The following RBM19 variants were observed in gnomAD, a reference collection of about 807,000 sequenced individuals.
The protein encoded by RBM19 is probable RNA-binding protein 19.
A neutral mutation model predicts 116.8 loss-of-function variants in RBM19; 94 were observed. That is an observed-to-expected ratio of 0.80 (90% CI 0.68 to 0.95). The LOEUF is 0.95. RBM19 is among the 40% of genes least tolerant of loss of function. The pLI is 0.00. For missense variants in RBM19, 1,161 were observed against 1,220.7 expected (o/e 0.95, Z 0.73); for synonymous variants, 475 against 494.1 (o/e 0.96, Z 0.51).
intron 1 of RBM19, 87 bp downstream of exon 1, chr12:113,966,105 C>A (rs918224400): frequency 6.4e-7 from 1 of 1,565,462 alleles, no homozygotes. Flanking sequence ...AGCAAAAATT[C>A]TTCGATCACC....
chr12:113,939,682 G>A (rs1009005595), intron 15 of RBM19, among the ~76,000 whole-genome samples: 18 of 151,850 alleles, frequency 1.2e-4, no homozygotes, highest in African/African-American at 3.6e-4. Context: ...CCCGGGAGGC[G>A]GAGCTTGCAG....
At chr12:113,927,949 C>T (rs1014414689) in intron 16 of RBM19, among the ~76,000 whole-genome samples, 10 of 152,144 alleles carry the variant, frequency 6.6e-5, no homozygotes, top group Non-Finnish European at 7.3e-5. Flanking sequence ...CGTTTAATGA[C>T]ACACAACAAA....
intron 9 of RBM19, among the ~76,000 whole-genome samples, chr12:113,949,822 CTG>C (rs1165578852): frequency 2.0e-5 from 3 of 152,202 alleles, no homozygotes; most frequent in Non-Finnish European, 2.9e-5. Flanking sequence ...CCCGTGCCTG[CTG>C]TGTGTTTCCC....
intron 21 of RBM19, among the ~76,000 whole-genome samples, chr12:113,902,896 T>G (rs539016648): frequency 6.6e-6 from 1 of 152,326 alleles, no homozygotes; most frequent in African/African-American, 2.4e-5. Flanking sequence ...TTAGCAGCTT[T>G]ATTGAGATAT....
At chr12:113,923,823 C>T (rs1868809463) in intron 18 of RBM19, among the ~76,000 whole-genome samples, 1 of 152,256 alleles carries the variant, frequency 6.6e-6, no homozygotes, top group African/African-American at 2.4e-5. Context: ...GTCTCTCTAG[C>T]TAGACTGTGT....
rs1200650364 is a variant in RBM19, at chr12:113,825,410, C to G, written c.2786-2089G>C. On this transcript the variant is annotated intron_variant, in intron 23 of 23. Transcript: ENST00000261741. The surrounding 1 kb of genome is among the most constrained non-coding windows in gnomAD (Gnocchi z 5.7). ...CTCTCCTTCCTTGTGACCTCCTAGA[C>G]ACTCTTGGTTTCCTTATAATCGCCA... Among the ~76,000 whole-genome samples, 1 of 152,206 alleles carries G rather than the reference C, an allele frequency of 6.6e-6. No homozygotes were observed. The highest frequency in any genetic ancestry group is 6.5e-5 in the Admixed American group (1 of 15,284).
intron 21 of RBM19, among the ~76,000 whole-genome samples, chr12:113,890,600 C>T (rs1880895703): frequency 6.6e-6 from 1 of 152,212 alleles, no homozygotes; most frequent in African/African-American, 2.4e-5. Context: ...TCAGGGATGG[C>T]AGAGAGAAGC....
intron 21 of RBM19, among the ~76,000 whole-genome samples, chr12:113,876,597 C>A (rs1339739957): frequency 6.6e-6 from 1 of 151,986 alleles, no homozygotes; most frequent in African/African-American, 2.4e-5. Context: ...TTGTGACCAG[C>A]CTGGGCAACA....
intron 21 of RBM19, among the ~76,000 whole-genome samples, chr12:113,878,851 G>T (rs186565731): frequency 2.7e-5 from 4 of 150,852 alleles, no homozygotes; most frequent in Middle Eastern, 3.4e-3. Flanking sequence ...AAAGGGGGGG[G>T]TGGTGAGAGG....
chr12:113,841,564 T>C (rs1321722229), intron 23 of RBM19, among the ~76,000 whole-genome samples: 1 of 151,932 alleles, frequency 6.6e-6, no homozygotes, highest in East Asian at 1.9e-4. Context: ...GCTGGGACTA[T>C]AGGCATGCGC....
chr12:113,955,520 G>A (rs1263516169), intron 6 of RBM19, among the ~76,000 whole-genome samples: 2 of 152,122 alleles, frequency 1.3e-5, no homozygotes, highest in East Asian at 1.9e-4. Flanking sequence ...CTGAAGAACG[G>A]GGTGTCAGTA....
At chr12:113,936,967 C>G in intron 16 of RBM19, 40 bp downstream of exon 16, 2 of 1,603,508 alleles carry the variant, frequency 1.2e-6, no homozygotes, top group South Asian at 1.1e-5. Flanking sequence ...TTTCCCTCAC[C>G]AGGATCCCAA....
At chr12:113,914,260 A>C (rs1882631177) in intron 21 of RBM19, among the ~76,000 whole-genome samples, 1 of 152,248 alleles carries the variant, frequency 6.6e-6, no homozygotes, top group Non-Finnish European at 1.5e-5. Context: ...GGATGACCAG[A>C]GAGAGGCCCG....
rs1054552118 is a variant in RBM19, at chr12:113,825,436, G to A, written c.2786-2115C>T. Among the ~76,000 whole-genome samples the A allele has an allele frequency of 5.3e-5, 8 of 152,206 alleles. No individual in the cohort carries two copies. The South Asian group carries it at 1.0e-3, about 20-fold the overall frequency. ...ACTCTTGGTTTCCTTATAATCGCCA[G>A]CCCTGGAGGTGCACAATGGCCTCTG... On this transcript the variant is annotated intron_variant, in intron 23 of 23. Transcript: ENST00000261741. This position sits in a 1 kb window ranked among gnomAD's most constrained non-coding sequence, Gnocchi z 5.7.
intron 14 of RBM19, among the ~76,000 whole-genome samples, chr12:113,940,430 G>A (rs1289099614): frequency 6.6e-6 from 1 of 152,222 alleles, no homozygotes; most frequent in African/African-American, 2.4e-5. Flanking sequence ...CTCCTGAGCA[G>A]GGCCGCACTT....
chr12:113,866,323 T>C (rs1878805979), intron 21 of RBM19, among the ~76,000 whole-genome samples: 1 of 151,880 alleles, frequency 6.6e-6, no homozygotes, highest in Non-Finnish European at 1.5e-5. Context: ...AAAAAAGAGG[T>C]GTGGAGGAGG....
chr12:113,884,482 A>G (rs1018591837), intron 21 of RBM19, among the ~76,000 whole-genome samples: 25 of 152,282 alleles, frequency 1.6e-4, no homozygotes, highest in Non-Finnish European at 2.9e-4. Context: ...GGTAGAGGCC[A>G]GGGATGCTGC....
intron 21 of RBM19, among the ~76,000 whole-genome samples, chr12:113,907,981 G>A (rs1046377712): frequency 2.6e-5 from 4 of 152,132 alleles, no homozygotes; most frequent in African/African-American, 7.2e-5. Flanking sequence ...GGCCTCTCTG[G>A]GGAAGTGGAT....
At chr12:113,886,661 G>A (rs1245217503) in intron 21 of RBM19, among the ~76,000 whole-genome samples, 1 of 150,858 alleles carries the variant, frequency 6.6e-6, no homozygotes, top group African/African-American at 2.4e-5. Context: ...TTCACAATGC[G>A]GTTTTGTTTT....
Sources: allele counts gnomAD v4.1 joint callset (sites outside exome capture counted in the v4.1 genomes callset), GRCh38; gene constraint gnomAD v4.1.1; non-coding constraint Gnocchi (gnomAD v3.1); transcripts MANE v1.5; gene names NCBI Gene and HGNC (gene_info 2026-07-23, HGNC 2026-07-21).